FOXJ3: variants seen among roughly 807,000 people sequenced by gnomAD.
FOXJ3 encodes forkhead box protein J3.
Under a neutral mutation model 76.1 loss-of-function variants are expected in FOXJ3, and 22 were observed. The ratio of observed to expected loss-of-function variants is 0.29; its 90% CI spans 0.21 to 0.41. The LOEUF (loss-of-function observed/expected upper bound fraction) is 0.41. Among genes scored for constraint, FOXJ3 ranks in the 10% least tolerant of loss-of-function variants. The probability of loss-of-function intolerance (pLI) is 1.00; values close to 1 mark genes in which losing one functional copy is unlikely to be tolerated. For missense variants in FOXJ3, 613 were observed against 762.1 expected (o/e 0.80, Z 2.30); for synonymous variants, 269 against 261.2 (o/e 1.03, Z -0.29).
At position 42,316,333 on chromosome 1, in the gene FOXJ3, CT is replaced by C. The variant is rs71065173; in HGVS notation, c.-17-5224del. On this transcript the variant is annotated intron_variant, in intron 1 of 12. Coordinates refer to ENST00000361346, the MANE Select transcript of FOXJ3 (RefSeq NM_014947.5). ...ACAGGTGCACACCACTGCATTGGGC[CT>C]TTTTTTTTTTTTTTTCTGTAGAAAC... Among the ~76,000 whole-genome samples the C allele has an allele frequency of 8.2e-3, 606 of 73,908 alleles. 26 individuals carry two copies. The Middle Eastern group carries it at 0.088, about 11-fold the overall frequency. The allele number at this position is 73,908 out of a possible 152,430, so 48.5% of individuals were successfully genotyped here. A position where few individuals can be genotyped will look rare whatever the true frequency, so the allele number is the denominator to read the frequency against.
Position 42,181,887 on chromosome 1 carries a change from ACACACACTCACT to A in FOXJ3, c.1753+18_1753+29del. The A allele has an allele frequency of 1.4e-6, 2 of 1,416,332 alleles. No individual in the cohort carries two copies. The highest frequency in any genetic ancestry group is 2.8e-5 in the African/African-American group (2 of 70,466). The allele number at this position is 1,416,332 out of a possible 1,614,324, so 87.7% of individuals were successfully genotyped here. A position where few individuals can be genotyped will look rare whatever the true frequency, so the allele number is the denominator to read the frequency against. On this transcript the variant is annotated intron_variant, in intron 12 of 12. Transcript: ENST00000361346. ...TGCTCACACACACACACACACACAC[ACACACACTCACT>A]CTCTCTCTCTCTCTTACCTGCCATC...
chr1:42,237,368 C>T (rs536979024), intron 4 of FOXJ3, among the ~76,000 whole-genome samples: 2 of 147,026 alleles, frequency 1.4e-5, no homozygotes, highest in Admixed American at 1.4e-4. Flanking sequence ...GGGCAAGACT[C>T]CATCTCAAAA....
chr1:42,320,100 G>A (rs917183464), intron 1 of FOXJ3, among the ~76,000 whole-genome samples: 9 of 151,682 alleles, frequency 5.9e-5, no homozygotes, highest in Admixed American at 1.3e-4. Flanking sequence ...AATAGAAGAT[G>A]AAAAAAAATC....
chr1:42,217,836 T>C (rs1647102013), intron 5 of FOXJ3, among the ~76,000 whole-genome samples: 2 of 152,174 alleles, frequency 1.3e-5, no homozygotes, highest in African/African-American at 4.8e-5. Flanking sequence ...CCTCAACTTA[T>C]AAACTTTAAA....
At chr1:42,194,782 G>T in intron 8 of FOXJ3, 108 bp downstream of exon 8, 1 of 702,494 alleles carries the variant, frequency 1.4e-6, no homozygotes, top group Non-Finnish European at 2.3e-6. Flanking sequence ...GATTCTTATT[G>T]TGATGATAAT....
At chr1:42,334,210 G>A (rs998549060) in intron 1 of FOXJ3, 29 of 657,922 alleles carry the variant, frequency 4.4e-5, no homozygotes, top group Non-Finnish European at 5.1e-5. Flanking sequence ...GCTAATGGAA[G>A]AGGAAAAAAG....
intron 1 of FOXJ3, among the ~76,000 whole-genome samples, chr1:42,328,860 T>G (rs1190229150): frequency 2.6e-5 from 4 of 152,046 alleles, no homozygotes; most frequent in Non-Finnish European, 5.9e-5. Context: ...AGAGACGAGA[T>G]TTCACTATGT....
Position 42,188,718 on chromosome 1 carries a change from A to G in FOXJ3, c.1645+19T>C, listed in dbSNP as rs568102835. On this transcript the variant is annotated intron_variant, in intron 11 of 12. Transcript: ENST00000361346. ...GAATGAGAAAATGAGAAAAATCAAG[A>G]AGATAACTAACCCCATACCTGTTCC... 1.0e-5 allele frequency: 15 copies of G among 1,435,806 alleles called. No individual in the cohort carries two copies. In the African/African-American group the frequency reaches 1.9e-4, roughly 18 times the overall value. The allele number at this position is 1,435,806 out of a possible 1,614,324, so 88.9% of individuals were successfully genotyped here. A position where few individuals can be genotyped will look rare whatever the true frequency, so the allele number is the denominator to read the frequency against.
chr1:42,227,001 A>C (rs1471476605), intron 5 of FOXJ3, among the ~76,000 whole-genome samples: 1 of 152,260 alleles, frequency 6.6e-6, no homozygotes, highest in Non-Finnish European at 1.5e-5. Flanking sequence ...TATCTATTAT[A>C]AGCTGTGAAA....
At chr1:42,334,853 G>A (rs1019747022) in intron 1 of FOXJ3, 2 of 152,214 alleles carry the variant, frequency 1.3e-5, no homozygotes, top group Non-Finnish European at 2.9e-5. Flanking sequence ...CGCGGGGGAG[G>A]GAAGGACCCA....
At chr1:42,240,428 T>C (rs1649040325) in intron 4 of FOXJ3, among the ~76,000 whole-genome samples, 1 of 152,148 alleles carries the variant, frequency 6.6e-6, no homozygotes, top group South Asian at 2.1e-4. Flanking sequence ...AAAGAAGAAC[T>C]TGGAGGATTC....
At chr1:42,271,629 T>A (rs1296109466) in intron 3 of FOXJ3, among the ~76,000 whole-genome samples, 1 of 152,130 alleles carries the variant, frequency 6.6e-6, no homozygotes, top group East Asian at 1.9e-4. Flanking sequence ...TTCCTCAAAG[T>A]GAATACCATG....
chr1:42,310,149 GTTT>G (rs201552474), intron 2 of FOXJ3, among the ~76,000 whole-genome samples: 1 of 140,244 alleles, frequency 7.1e-6, no homozygotes. Context: ...GCAGGTTTAG[GTTT>G]TTTTTTTTTT....
Position 42,195,011 on chromosome 1 carries a change from T to C in FOXJ3, c.813A>G (p.Pro271=), listed in dbSNP as rs1453836399. ...TGTCTCTTTCTGGAAGGTTGTACTG[T>C]GGTTGCTGCTGAGGAGTTAATGATT... The part of the protein sequence containing the change: ...VSQSLTPQQQ[P]QYNLPERDKQ... The change falls in exon 8 of 13, where the codon CCA becomes CCG. Residue 271 remains proline, a synonymous_variant. Transcript: ENST00000361346. 1 of 1,612,836 alleles carries C rather than the reference T, an allele frequency of 6.2e-7. No homozygotes were observed. Among genetic ancestry groups the C allele is most frequent in the Non-Finnish European group, 8.5e-7 (1 of 1,179,532 alleles).
At chr1:42,216,320 C>T (rs1321554262) in intron 5 of FOXJ3, among the ~76,000 whole-genome samples, 1 of 151,834 alleles carries the variant, frequency 6.6e-6, no homozygotes, top group Non-Finnish European at 1.5e-5. Flanking sequence ...AGATCGAGAC[C>T]ATCCTGGCTA....
intron 3 of FOXJ3, among the ~76,000 whole-genome samples, chr1:42,268,048 C>G (rs1651602860): frequency 1.3e-5 from 2 of 151,918 alleles, no homozygotes; most frequent in Non-Finnish European, 2.9e-5. Context: ...GAGGGAAAAT[C>G]TGAAGTAACA....
chr1:42,191,694 AG>A lies in FOXJ3; in HGVS notation c.959del (p.Ser320PhefsTer19). ...TACATGAAGTGTGGGACTGCTGGGA[AG>A]ATTCAGAAGGGATGTTCATCAAACC... ...QQGLMNIPSESSQQSHTSCTY... is the reference protein window; with the variant it reads ...QQGLMNIPSEXSQQSHTSCTY... On this transcript the variant is annotated frameshift_variant, in exon 9 of 13. Transcript: ENST00000361346. LOFTEE classifies it high-confidence loss of function. 6.2e-7 allele frequency: 1 copy of A among 1,612,392 alleles called. No homozygotes were observed. The highest frequency in any genetic ancestry group is 8.5e-7 in the Non-Finnish European group (1 of 1,178,488).
At chr1:42,267,967 A>G (rs1275512807) in intron 3 of FOXJ3, among the ~76,000 whole-genome samples, 1 of 152,098 alleles carries the variant, frequency 6.6e-6, no homozygotes. Flanking sequence ...AAAACAAAAC[A>G]GATCATCCAA....
intron 3 of FOXJ3, among the ~76,000 whole-genome samples, chr1:42,268,964 G>A (rs12145300): frequency 0.12 from 18,821 of 152,068 alleles, 1,518 homozygotes; most frequent in Admixed American, 0.23. Context: ...GATCATCTAT[G>A]AGCCAGGAAA....
Sources: gnomAD v4.1 joint callset for allele counts (sites outside exome capture counted in the v4.1 genomes callset) on GRCh38, gnomAD v4.1.1 for gene constraint, MANE v1.5 for transcripts, NCBI Gene and HGNC (gene_info 2026-07-23, HGNC 2026-07-21) for gene names.